Variants in HACD2 observed in about 807,000 individuals in gnomAD.
HACD2 encodes 3-hydroxyacyl-CoA dehydratase 2.
Under a neutral mutation model 31.0 loss-of-function variants are expected in HACD2, and 15 were observed. The observed-to-expected ratio is 0.48, with a 90% CI of 0.32 to 0.75. HACD2 has a LOEUF of 0.75. Ranked by LOEUF, HACD2 falls within the 30% of genes least tolerant of loss-of-function variation. The probability of loss-of-function intolerance (pLI) is 0.03; values close to 1 mark genes in which losing one functional copy is unlikely to be tolerated. For synonymous variants in HACD2, 115 were observed against 122.2 expected (o/e 0.94, Z 0.39); for missense variants, 283 against 313.0 (o/e 0.90, Z 0.72).
rs1479535705 is a variant in HACD2 at position 123,516,006 on chromosome 3, C to A, written c.381+12380G>T. Among the ~76,000 whole-genome samples, 4 of 152,228 alleles carry A rather than the reference C, an allele frequency of 2.6e-5. No individual in the cohort carries two copies. In the East Asian group the frequency reaches 7.7e-4, roughly 29 times the overall value. On this transcript the variant is annotated intron_variant, in intron 4 of 6. Coordinates refer to ENST00000383657, the MANE Select transcript of HACD2 (RefSeq NM_198402.5). ...AACTCCTGATCTTAAGTGATCCGCC[C>A]TCCTTGGCTTCCCAGAGTGCTGGGA...
chr3:123,508,037 T>C (rs935779190), intron 4 of HACD2, among the ~76,000 whole-genome samples: 5 of 152,030 alleles, frequency 3.3e-5, no homozygotes, highest in Admixed American at 1.3e-4. Context: ...TAAATACATA[T>C]TATTGCCTTT....
chr3:123,576,249 C>CT lies in HACD2; in HGVS notation c.273+5962dup, dbSNP rs34519256. Among the ~76,000 whole-genome samples, 28 of 147,052 alleles carry CT rather than the reference C, an allele frequency of 1.9e-4. No homozygotes were observed. The East Asian group carries it at 2.2e-3, about 11-fold the overall frequency. On this transcript the variant is annotated intron_variant, in intron 2 of 6. Coordinates refer to ENST00000383657, the MANE Select transcript of HACD2 (RefSeq NM_198402.5). ...ATTGCCACCATTGATATTTTTAGTT[C>CT]TTTTTTTTTTTTAATTTCAGTACAT...
At chr3:123,582,131 A>G in intron 2 of HACD2, 81 bp downstream of exon 2, 1 of 896,154 alleles carries the variant, frequency 1.1e-6, no homozygotes, top group Non-Finnish European at 1.6e-6. Flanking sequence ...CAAAGGGGGT[A>G]TGCTACTTCA....
rs559075587 is a variant in HACD2 at position 123,512,304 on chromosome 3, TA to T, written c.382-9624del. Among the ~76,000 whole-genome samples the T allele has an allele frequency of 2.6e-5, 4 of 152,072 alleles. No individual in the cohort carries two copies. The South Asian group carries it at 8.3e-4, about 32-fold the overall frequency. On this transcript the variant is annotated intron_variant, in intron 4 of 6. Coordinates refer to ENST00000383657, the MANE Select transcript of HACD2 (RefSeq NM_198402.5). ...AAAAGAAACGCATAAACACAAATATTAAAAAAAGAAAACAGGAAAAAAGGAA... is the reference window on the plus strand; with the variant it reads ...AAAAGAAACGCATAAACACAAATATTAAAAAAGAAAACAGGAAAAAAGGAA...
chr3:123,540,367 T>C (rs1379174232), intron 3 of HACD2, among the ~76,000 whole-genome samples: 6 of 152,188 alleles, frequency 3.9e-5, no homozygotes, highest in Non-Finnish European at 8.8e-5. Flanking sequence ...TTTTGAAAGC[T>C]TTCTCGAACA....
chr3:123,574,070 C>A (rs556547472), intron 2 of HACD2, among the ~76,000 whole-genome samples: 2 of 152,098 alleles, frequency 1.3e-5, no homozygotes, highest in African/African-American at 2.4e-5. Context: ...GTCTTCATAC[C>A]CAAACTGTGA....
rs2056311532 is a variant in HACD2 at position 123,528,418 on chromosome 3, G to C, written c.349C>G (p.Leu117Val). Residue 117 changes from leucine (L) to valine (V), a missense_variant, in exon 4 of 7, where the codon CTA (leucine) becomes GTA (valine). Around this residue, in one of 3 missense-constraint regions of HACD2, gnomAD observed 85 missense variants for 129.6 expected, o/e 0.66. Transcript: ENST00000383657. ...TSFQVMSRVF[L>V]IWAVTHSVKE... ...ACGCTATGTGTTACTGCCCATATTA[G>C]AAAAACTCTTGACATCACCTGGAAA... is the stretch of plus-strand genomic sequence containing the variant. The C allele has an allele frequency of 6.2e-7, 1 of 1,612,660 alleles. No homozygotes were observed. The highest frequency in any genetic ancestry group is 1.3e-5 in the African/African-American group (1 of 74,868).
intron 3 of HACD2, 125 bp from the exon 4 acceptor site, chr3:123,528,599 C>CTATATTGTTA: frequency 1.5e-6 from 1 of 647,358 alleles, no homozygotes. Flanking sequence ...TGAAAGGTGT[C>CTATATTGTTA]TATATTGTTA....
chr3:123,574,875 C>G (rs915136794), intron 2 of HACD2, among the ~76,000 whole-genome samples: 2 of 152,142 alleles, frequency 1.3e-5, no homozygotes, highest in African/African-American at 4.8e-5. Flanking sequence ...CTGAAAACAT[C>G]AGCATATAAC....
intron 2 of HACD2, among the ~76,000 whole-genome samples, chr3:123,571,048 T>G (rs2056850641): frequency 1.3e-5 from 2 of 152,198 alleles, no homozygotes; most frequent in Non-Finnish European, 2.9e-5. Context: ...AATTGAAGTC[T>G]AAACAGGAAT....
chr3:123,549,918 A>C (rs1160627590), intron 3 of HACD2, among the ~76,000 whole-genome samples: 1 of 152,140 alleles, frequency 6.6e-6, no homozygotes, highest in African/African-American at 2.4e-5. Flanking sequence ...GGCACCCCAG[A>C]GTTGTCATTT....
intron 4 of HACD2, among the ~76,000 whole-genome samples, chr3:123,514,282 C>CA (rs2056104688): frequency 2.0e-5 from 3 of 151,880 alleles, no homozygotes; most frequent in East Asian, 3.9e-4. Flanking sequence ...CTCAAAAAAA[C>CA]AAAAAACACA....
chr3:123,577,870 T>G (rs965301934), intron 2 of HACD2, among the ~76,000 whole-genome samples: 15 of 152,208 alleles, frequency 9.9e-5, no homozygotes, highest in Non-Finnish European at 2.2e-4. Context: ...AACTCGTTTT[T>G]TAAAAACTGA....
intron 4 of HACD2, among the ~76,000 whole-genome samples, chr3:123,510,183 ATTCTATT>A (rs1189907982): frequency 6.6e-6 from 1 of 151,960 alleles, no homozygotes; most frequent in Non-Finnish European, 1.5e-5. Flanking sequence ...GGTAACCACT[ATTCTATT>A]TTCTATCTCT....
intron 3 of HACD2, among the ~76,000 whole-genome samples, chr3:123,540,509 T>C (rs781782067): frequency 3.3e-5 from 5 of 152,200 alleles, no homozygotes; most frequent in Non-Finnish European, 5.9e-5. Context: ...TAAAAGGGTG[T>C]CACGTTTTGA....
At chr3:123,565,960 A>C (rs932857518) in intron 3 of HACD2, among the ~76,000 whole-genome samples, 4 of 152,222 alleles carry the variant, frequency 2.6e-5, no homozygotes, top group Non-Finnish European at 5.9e-5. Context: ...CCTGTCTCCA[A>C]ATGAGCTTCC....
intron 2 of HACD2, among the ~76,000 whole-genome samples, chr3:123,572,244 A>G (rs2626017): frequency 0.43 from 65,473 of 152,102 alleles, 19,341 homozygotes; most frequent in African/African-American, 0.82. Flanking sequence ...AGTGGCTCAT[A>G]CCTGTAATCT....
intron 3 of HACD2, among the ~76,000 whole-genome samples, chr3:123,557,712 C>T (rs1174597934): frequency 3.3e-5 from 5 of 152,170 alleles, no homozygotes; most frequent in Non-Finnish European, 7.3e-5. Flanking sequence ...AGATGCTCTA[C>T]GTCATGTATA....
chr3:123,570,428 T>C (rs772514523), intron 2 of HACD2, among the ~76,000 whole-genome samples: 24 of 151,860 alleles, frequency 1.6e-4, no homozygotes, highest in Admixed American at 4.6e-4. Context: ...CACAGGAAAA[T>C]AAAAGGGCAG....
Sources: allele counts gnomAD v4.1 joint callset (sites outside exome capture counted in the v4.1 genomes callset), GRCh38; gene constraint gnomAD v4.1.1; regional missense constraint gnomAD v4.1.1; transcripts MANE v1.5; gene names NCBI Gene and HGNC (gene_info 2026-07-23, HGNC 2026-07-21).